RAB3C: variants seen among roughly 807,000 people sequenced by gnomAD.
RAB3C encodes the protein RAB3C, member RAS oncogene family, also known as ras-related protein Rab-3C.
In RAB3C, 17 loss-of-function variants were observed where a neutral mutation model predicts 26.4. That is an observed-to-expected ratio of 0.64 (90% CI 0.44 to 0.97). The LOEUF (loss-of-function observed/expected upper bound fraction) is 0.97. Among genes scored for constraint, RAB3C ranks in the 50% least tolerant of loss-of-function variants. The pLI, the probability that RAB3C is intolerant of heterozygous loss-of-function variation, is 0.00. For missense variants in RAB3C, 242 were observed against 281.9 expected, an observed-to-expected ratio of 0.86 and a Z score of 1.01; for synonymous variants, 91 against 95.9, an observed-to-expected ratio of 0.95 and a Z score of 0.30.
intron 3 of RAB3C, among the ~76,000 whole-genome samples, chr5:58,791,047 C>G (rs1182051247): frequency 7.1e-6 from 1 of 140,674 alleles, no homozygotes; most frequent in Middle Eastern, 3.3e-3. Flanking sequence ...ATAAGTCTGG[C>G]TACATATAAT....
chr5:58,830,699 T>A (rs868013950), intron 4 of RAB3C, among the ~76,000 whole-genome samples: 30 of 152,154 alleles, frequency 2.0e-4, no homozygotes, highest in African/African-American at 6.8e-4. Context: ...CACTGTGAAA[T>A]CATACGGTGG....
At chr5:58,659,689 T>A (rs1453778771) in intron 2 of RAB3C, among the ~76,000 whole-genome samples, 2 of 152,238 alleles carry the variant, frequency 1.3e-5, no homozygotes, top group Admixed American at 6.5e-5. Context: ...AAAGTAAGTC[T>A]GAAAACTTGT....
At chr5:58,797,573 TAGAGA>T (rs1457743637) in intron 3 of RAB3C, among the ~76,000 whole-genome samples, 1 of 151,702 alleles carries the variant, frequency 6.6e-6, no homozygotes, top group Non-Finnish European at 1.5e-5. Context: ...TCCATAGAGA[TAGAGA>T]AGAGTCAGAT....
chr5:58,626,488 A>T (rs1268140458), intron 2 of RAB3C, among the ~76,000 whole-genome samples: 2 of 152,216 alleles, frequency 1.3e-5, no homozygotes, highest in Non-Finnish European at 2.9e-5. Flanking sequence ...TAAGACAAAA[A>T]TATCACACAG....
chr5:58,597,213 AATATTATATAATATATACTACACAAT>A (rs1561260744), intron 1 of RAB3C, among the ~76,000 whole-genome samples: 100 of 1,162 alleles, frequency 0.086, 1 homozygote, highest in East Asian at 0.25. Context: ...ATACTACATA[AATATTATATAATATATACTACACAAT>A]ATATTATATA....
intron 2 of RAB3C, among the ~76,000 whole-genome samples, chr5:58,642,397 T>G (rs1446531807): frequency 6.6e-6 from 1 of 152,192 alleles, no homozygotes; most frequent in Non-Finnish European, 1.5e-5. Context: ...TTCTCTCTTA[T>G]AACTATTTCT....
intron 2 of RAB3C, among the ~76,000 whole-genome samples, chr5:58,695,870 AG>A (rs1284106092): frequency 1.3e-5 from 2 of 152,200 alleles, no homozygotes; most frequent in African/African-American, 2.4e-5. Context: ...ATCTGCAAAA[AG>A]GGACAATTTT....
At chr5:58,778,974 C>A (rs1282757656) in intron 3 of RAB3C, among the ~76,000 whole-genome samples, 1 of 152,170 alleles carries the variant, frequency 6.6e-6, no homozygotes, top group African/African-American at 2.4e-5. Context: ...ATTAAAAACA[C>A]AAAGTCATCT....
chr5:58,836,181 A>G (rs1194103149), intron 4 of RAB3C, among the ~76,000 whole-genome samples: 2 of 152,180 alleles, frequency 1.3e-5, no homozygotes, highest in Non-Finnish European at 2.9e-5. Context: ...TCAATTTATT[A>G]TGGTTTCTTA....
chr5:58,683,151 C>CAA (rs1561288079), intron 2 of RAB3C, among the ~76,000 whole-genome samples: 1 of 152,042 alleles, frequency 6.6e-6, no homozygotes, highest in African/African-American at 2.4e-5. Context: ...ATTTTATGAC[C>CAA]CAAATATTGA....
chr5:58,633,384 G>A (rs576792363), intron 2 of RAB3C, among the ~76,000 whole-genome samples: 37 of 152,296 alleles, frequency 2.4e-4, no homozygotes, highest in African/African-American at 8.7e-4. Flanking sequence ...CTATAGGAAG[G>A]AAAGTAGAGG....
chr5:58,822,719 C>G, intron 3 of RAB3C: 1 of 469,432 alleles, frequency 2.1e-6, no homozygotes, highest in East Asian at 4.6e-5. Flanking sequence ...GAAGGGGATA[C>G]GGTAGTCTGC....
At chr5:58,797,075 A>G (rs575569685) in intron 3 of RAB3C, among the ~76,000 whole-genome samples, 1 of 151,992 alleles carries the variant, frequency 6.6e-6, no homozygotes, top group South Asian at 2.1e-4. Flanking sequence ...AGCAGGTGGT[A>G]TTTAACTAAT....
At chr5:58,743,878 C>A (rs1388591226) in intron 3 of RAB3C, among the ~76,000 whole-genome samples, 1 of 152,126 alleles carries the variant, frequency 6.6e-6, no homozygotes, top group Non-Finnish European at 1.5e-5. Context: ...ATAAAACATT[C>A]TTGGAAAATA....
intron 2 of RAB3C, among the ~76,000 whole-genome samples, chr5:58,641,387 C>T (rs188384295): frequency 1.3e-5 from 2 of 152,232 alleles, no homozygotes; most frequent in South Asian, 2.1e-4. Context: ...CGCCAGTGTG[C>T]GTGGTAACAA....
chr5:58,729,339 A>G (rs551569943), intron 3 of RAB3C, among the ~76,000 whole-genome samples: 2 of 152,058 alleles, frequency 1.3e-5, no homozygotes, highest in African/African-American at 4.8e-5. Flanking sequence ...ACATTCAACC[A>G]TCACCACCAT....
intron 3 of RAB3C, among the ~76,000 whole-genome samples, chr5:58,812,424 T>G (rs140176358): frequency 1.3e-5 from 2 of 152,288 alleles, no homozygotes; most frequent in Admixed American, 6.5e-5. Context: ...GGAGTAGGTT[T>G]TAGCAAACTT....
At chr5:58,648,277 T>G (rs1747569590) in intron 2 of RAB3C, among the ~76,000 whole-genome samples, 1 of 152,314 alleles carries the variant, frequency 6.6e-6, no homozygotes, top group South Asian at 2.1e-4. Flanking sequence ...GTAATGATTT[T>G]GTTTATTTAC....
chr5:58,793,318 G>C (rs188597592), intron 3 of RAB3C, among the ~76,000 whole-genome samples: 76 of 152,238 alleles, frequency 5.0e-4, no homozygotes, highest in Admixed American at 1.6e-3. Flanking sequence ...CAGCACTTTG[G>C]GGGGCCGAGG....
Sources: allele counts gnomAD v4.1 joint callset (sites outside exome capture counted in the v4.1 genomes callset), GRCh38; gene constraint gnomAD v4.1.1; transcripts MANE v1.5; gene names NCBI Gene and HGNC (gene_info 2026-07-23, HGNC 2026-07-21).